The following PHF21A variants were observed in gnomAD, a reference collection of about 807,000 sequenced individuals.
PHF21A encodes PHD finger protein 21A.
Under a neutral mutation model 82.5 loss-of-function variants are expected in PHF21A, and 11 were observed. The ratio of observed to expected loss-of-function variants is 0.13; its 90% confidence interval spans 0.08 to 0.22. PHF21A has a LOEUF of 0.22. Among genes scored for constraint, PHF21A ranks in the 10% least tolerant of loss-of-function variants. PHF21A has a pLI of 1.00. For missense variants in PHF21A, 579 were observed against 837.8 expected (o/e 0.69, Z 3.81); for synonymous variants, 297 against 302.8 (o/e 0.98, Z 0.20).
chr11:46,026,332 G>A (rs927790103), intron 6 of PHF21A, among the ~76,000 whole-genome samples: 1 of 152,150 alleles, frequency 6.6e-6, no homozygotes, highest in Admixed American at 6.5e-5. Context: ...ATATTGAGGT[G>A]CAGACAATCC....
chr11:45,996,699 T>C (rs1208096830), intron 6 of PHF21A, among the ~76,000 whole-genome samples: 1 of 152,230 alleles, frequency 6.6e-6, no homozygotes, highest in Non-Finnish European at 1.5e-5. Flanking sequence ...GTTGGCACAA[T>C]TAATCTTGAA....
intron 6 of PHF21A, among the ~76,000 whole-genome samples, chr11:46,025,188 TA>T (rs376136660): frequency 1.1e-3 from 166 of 144,710 alleles, no homozygotes; most frequent in South Asian, 4.0e-3. Flanking sequence ...GTATACAGAT[TA>T]AAAAAAAAAA....
At chr11:46,113,069 G>C (rs1330261328) in intron 1 of PHF21A, among the ~76,000 whole-genome samples, 2 of 152,158 alleles carry the variant, frequency 1.3e-5, no homozygotes, top group Non-Finnish European at 2.9e-5. Context: ...TTCTTAGAGG[G>C]CTGGGAAGCT....
intron 6 of PHF21A, among the ~76,000 whole-genome samples, chr11:46,024,830 G>A (rs1000017334): frequency 6.6e-6 from 1 of 152,026 alleles, no homozygotes; most frequent in African/African-American, 2.4e-5. Flanking sequence ...GAAAGACTTA[G>A]GGACTTCTTT....
In PHF21A at chr11:45,979,826, C is replaced by CTGT. The variant is rs750610677; in HGVS notation, c.291_293dup (p.Gln100dup). ...GGGCGTGGTGGTGGTGGTACTGCTGCTGTTGTTGTAGTTGCTGTAGTGGTT... is the reference window on the plus strand; with the variant it reads ...GGGCGTGGTGGTGGTGGTACTGCTGCTGTTGTTGTTGTAGTTGCTGTAGTGGTT... On this transcript the variant is annotated inframe_insertion, in exon 7 of 19. Transcript: ENST00000676320. 6 of 1,613,996 alleles carry CTGT rather than the reference C, an allele frequency of 3.7e-6. No individual in the cohort carries two copies. The African/African-American group carries it at 4.0e-5, about 11-fold the overall frequency.
intron 1 of PHF21A, chr11:46,119,855 GAA>G (rs918698331): frequency 2.0e-5 from 3 of 149,774 alleles, no homozygotes; most frequent in South Asian, 2.1e-4. Flanking sequence ...GGACCAAACG[GAA>G]AGAGTCCCAC....
intron 1 of PHF21A, among the ~76,000 whole-genome samples, chr11:46,103,876 A>G (rs574174131): frequency 2.4e-4 from 36 of 152,274 alleles, no homozygotes; most frequent in African/African-American, 6.7e-4. Context: ...TTCACTTATA[A>G]GATAGAGACA....
intron 6 of PHF21A, among the ~76,000 whole-genome samples, chr11:46,057,467 G>A (rs1464728350): frequency 6.6e-6 from 1 of 152,036 alleles, no homozygotes; most frequent in Admixed American, 6.6e-5. Flanking sequence ...AACCCAGGCT[G>A]GTTTAGAAAC....
chr11:45,943,121 CTTTT>C (rs3061870), intron 15 of PHF21A, among the ~76,000 whole-genome samples: 1 of 112,118 alleles, frequency 8.9e-6, no homozygotes, highest in African/African-American at 3.4e-5. Flanking sequence ...TCTTTCTTTC[CTTTT>C]TTTTTTTTTT....
At chr11:45,942,836 A>G (rs1048021450) in intron 15 of PHF21A, among the ~76,000 whole-genome samples, 2 of 152,182 alleles carry the variant, frequency 1.3e-5, no homozygotes, top group African/African-American at 4.8e-5. Flanking sequence ...GGGACATTTT[A>G]TCTTAGGATG....
At chr11:46,087,506 G>C (rs181663065) in intron 3 of PHF21A, among the ~76,000 whole-genome samples, 1 of 152,200 alleles carries the variant, frequency 6.6e-6, no homozygotes, top group Admixed American at 6.5e-5. Context: ...AGGACTAGTT[G>C]TAGAAAAACA....
rs1042584548 is a variant in PHF21A, at chr11:46,051,253, A to T, written c.153+25501T>A. Among the ~76,000 whole-genome samples the T allele has an allele frequency of 2.0e-5, 3 of 152,168 alleles. No individual in the cohort carries two copies. In the East Asian group the frequency reaches 5.8e-4, roughly 29 times the overall value. Reference sequence around the variant, plus strand: ...TTGCTGCTTTAAAGAGTAAATAGTCAATTGCAAATTGAGCAAATTGCTTTG... The same window carrying T: ...TTGCTGCTTTAAAGAGTAAATAGTCTATTGCAAATTGAGCAAATTGCTTTG... On this transcript the variant is annotated intron_variant, in intron 6 of 18. Coordinates refer to ENST00000676320, the MANE Select transcript of PHF21A (RefSeq NM_001352027.3).
At chr11:46,031,069 T>C (rs1180766201) in intron 6 of PHF21A, among the ~76,000 whole-genome samples, 1 of 152,170 alleles carries the variant, frequency 6.6e-6, no homozygotes, top group Non-Finnish European at 1.5e-5. Flanking sequence ...CGACAAGCGA[T>C]CACGTAGTAA....
chr11:46,080,364 G>A (rs1389010051), intron 4 of PHF21A, among the ~76,000 whole-genome samples: 1 of 151,716 alleles, frequency 6.6e-6, no homozygotes. Context: ...TTGTTATGTT[G>A]CCCAGGCTGG....
At chr11:45,952,048 G>A (rs2135530135) in intron 11 of PHF21A, among the ~76,000 whole-genome samples, 1 of 152,064 alleles carries the variant, frequency 6.6e-6, no homozygotes, top group Admixed American at 6.5e-5. Flanking sequence ...CAGGTGGTCC[G>A]CCCGCCTCAG....
chr11:45,969,864 T>A lies in PHF21A; in HGVS notation c.653A>T (p.Gln218Leu). The A allele has an allele frequency of 6.2e-7, 1 of 1,613,994 alleles. No homozygotes were observed. The highest frequency in any genetic ancestry group is 8.5e-7 in the Non-Finnish European group (1 of 1,179,902). ...ATPPQPIKVP[Q>L]FIPPPRLTPR... ...AGTGAGTCTAGGAGGGGGGATAAAC[T>A]GTGGTACTTTGATGGGCTGAGGAGG... is the stretch of plus-strand genomic sequence containing the variant. The change falls in exon 9 of 19, where the codon CAG becomes CTG. Residue 218 changes from glutamine (Q) to leucine (L), a missense_variant. Physicochemically the swap from Gln to Leu is moderately radical, Grantham distance 113. Transcript: ENST00000676320.
rs374553564 is a variant in PHF21A, at chr11:45,934,023, G to T, written c.1991C>A (p.Ser664Tyr). 1 of 1,611,098 alleles carries T rather than the reference G, an allele frequency of 6.2e-7. No individual in the cohort carries two copies. Among genetic ancestry groups the T allele is most frequent in the African/African-American group, 1.3e-5 (1 of 74,792 alleles). ...CGCTGTGCAGCTCTGGGAGGAGGGG[G>T]AAGGGGCCGGCGTGGAGGTGGCGGC... is the stretch of plus-strand genomic sequence containing the variant. ...ANAATSTPAP[S>Y]PSSQSCTANC... The change falls in exon 19 of 19, where the codon TCC (serine) becomes TAC (tyrosine). Residue 664 changes from serine (S) to tyrosine (Y), a missense_variant. Coordinates refer to ENST00000676320, the MANE Select transcript of PHF21A (RefSeq NM_001352027.3).
chr11:45,950,940 A>G (rs1408654554), intron 11 of PHF21A, among the ~76,000 whole-genome samples: 1 of 152,222 alleles, frequency 6.6e-6, no homozygotes, highest in Non-Finnish European at 1.5e-5. Flanking sequence ...TTTCTGCTGA[A>G]TACTATGATT....
chr11:45,994,822 G>A (rs192412201), intron 6 of PHF21A, among the ~76,000 whole-genome samples: 104 of 152,308 alleles, frequency 6.8e-4, no homozygotes, highest in Middle Eastern at 6.8e-3. Context: ...CACTGGCAAC[G>A]TGACACACTA....
Sources: gnomAD v4.1 joint callset for allele counts (sites outside exome capture counted in the v4.1 genomes callset) on GRCh38, gnomAD v4.1.1 for gene constraint, MANE v1.5 for transcripts, NCBI Gene and HGNC (gene_info 2026-07-23, HGNC 2026-07-21) for gene names.